The following KDM5C variants were observed in gnomAD, a reference collection of about 807,000 sequenced individuals.
KDM5C encodes the protein lysine-specific demethylase 5C.
KDM5C carries 16 observed loss-of-function variants against 110.6 expected under a neutral mutation model. The observed-to-expected ratio is 0.14, with a 90% CI of 0.10 to 0.22. KDM5C has a LOEUF of 0.22. KDM5C is among the 10% of genes least tolerant of loss of function. The pLI, the probability that KDM5C is intolerant of heterozygous loss-of-function variation, is 1.00. For synonymous variants in KDM5C, 511 were observed against 520.4 expected (o/e 0.98, Z 0.24); for missense variants, 681 against 1,300.9 (o/e 0.52, Z 7.33).
Position 53,209,444 on chromosome X carries a change from GA to G in KDM5C, c.1746+969del, listed in dbSNP as rs781918333. Among the ~76,000 whole-genome samples, 430 of 111,488 alleles carry G rather than the reference GA, an allele frequency of 3.9e-3. 3 individuals carry two copies. Among genetic ancestry groups the G allele is most frequent in the Middle Eastern group, 0.014 (3 of 218 alleles). The stretch of plus-strand genomic sequence containing the variant: ...GGCATATAGTATACCAAAACAAGGA[GA>G]AGGCAAAAAGAAATGCAGGTGAGAA... On this transcript the variant is annotated intron_variant, in intron 12 of 25. Transcript: ENST00000375401.
chrX:53,184,414 A>AT (rs1413339661), intron 25 of KDM5C, among the ~76,000 whole-genome samples: 19 of 109,946 alleles, frequency 1.7e-4, no homozygotes, highest in African/African-American at 5.6e-4. Flanking sequence ...TAATTTTTAA[A>AT]TTTTTTTTGT....
At chrX:53,188,595 G>A (rs1456381336), downstream of KDM5C, among the ~76,000 whole-genome samples, 2 of 110,398 alleles carry the variant, frequency 1.8e-5, no homozygotes, top group African/African-American at 6.6e-5. Flanking sequence ...GGTTGGTCTC[G>A]AACTCCTGAC....
At chrX:53,210,617 T>C (rs368549481) in intron 11 of KDM5C, 41 bp from the exon 12 acceptor site, 59 of 1,209,340 alleles carry the variant, frequency 4.9e-5, no homozygotes, top group Non-Finnish European at 6.0e-5. Context: ...AAATCACACC[T>C]TGGTCATGCA....
exon 26 of KDM5C, among the ~76,000 whole-genome samples, chrX:53,176,446 GT>G (rs1933886292): frequency 8.9e-6 from 1 of 111,937 alleles, no homozygotes; most frequent in Non-Finnish European, 1.9e-5. Context: ...CGGGCAGCAG[GT>G]GGTTGGATGA....
At chrX:53,208,458 T>C (rs2073433247) in intron 12 of KDM5C, among the ~76,000 whole-genome samples, 1 of 100,580 alleles carries the variant, frequency 9.9e-6, no homozygotes, top group African/African-American at 3.6e-5. Flanking sequence ...CACACATATA[T>C]ATATATATGC....
intron 25 of KDM5C, among the ~76,000 whole-genome samples, chrX:53,180,244 TA>T (rs1218784569): frequency 4.5e-5 from 5 of 110,864 alleles, no homozygotes; most frequent in African/African-American, 1.6e-4. Context: ...ATGGAGACAG[TA>T]AAAAAAATCA....
chrX:53,187,885 G>A (rs1276517409), downstream of KDM5C, among the ~76,000 whole-genome samples: 2 of 108,589 alleles, frequency 1.8e-5, no homozygotes, highest in Non-Finnish European at 3.8e-5. Context: ...TCAGCCTCCA[G>A]GCGCCCACCA....
intron 12 of KDM5C, among the ~76,000 whole-genome samples, chrX:53,206,513 C>T (rs2073333762): frequency 9.0e-6 from 1 of 111,259 alleles, no homozygotes; most frequent in African/African-American, 3.3e-5. Flanking sequence ...AGTAACAAAG[C>T]GAAAATCATT....
chrX:53,219,803 T>C, intron 2 of KDM5C, among the ~76,000 whole-genome samples: 1 of 112,555 alleles, frequency 8.9e-6, no homozygotes, highest in South Asian at 3.7e-4. Context: ...TCATCCCTGC[T>C]CCTTCTTATT....
chrX:53,191,272 A>T (rs1934406424), downstream of KDM5C: 1 of 169,668 alleles, frequency 5.9e-6, no homozygotes, highest in Admixed American at 8.0e-5. Context: ...TGGGACCATT[A>T]ATGGGCTTGA....
At position 53,196,947 on chromosome X, in the gene KDM5C, C is replaced by T; in HGVS notation, c.2720G>A (p.Arg907Lys). 8.3e-7 allele frequency: 1 copy of T among 1,198,118 alleles called. No homozygotes were observed. ...SPGLLQSLLE[R>K]GRQLGVEVPE... ...CACCTCCACCCCCAGCTGCCGCCCC[C>T]TCTCCAACAGGGACTGCAGTAGCCC... Residue 907 changes from arginine to lysine, a missense_variant, in exon 19 of 26, where the codon AGG becomes AAG. Around this residue, in one of 14 missense-constraint regions of KDM5C, gnomAD observed 123 missense variants for 169.0 expected, o/e 0.73. Coordinates refer to ENST00000375401, the MANE Select transcript of KDM5C (RefSeq NM_004187.5).
At chrX:53,187,129 T>A (rs1934242540), downstream of KDM5C, among the ~76,000 whole-genome samples, 1 of 111,616 alleles carries the variant, frequency 9.0e-6, no homozygotes, top group South Asian at 3.8e-4. Context: ...AGGTTATGCA[T>A]GGACTCCACA....
intron 12 of KDM5C, among the ~76,000 whole-genome samples, chrX:53,203,258 T>C (rs2073207987): frequency 8.9e-6 from 1 of 111,751 alleles, no homozygotes. Flanking sequence ...TCTCTCTCTC[T>C]CGAGCTTATA....
intron 8 of KDM5C, chrX:53,214,368 G>T (rs901386218): frequency 1.0e-4 from 24 of 238,552 alleles, no homozygotes; most frequent in African/African-American, 6.8e-4. Context: ...CATTTTCCCT[G>T]ATTATTACCC....
Position 53,193,452 on chromosome X carries a change from G to T in KDM5C, c.4302C>A (p.Ile1434=), listed in dbSNP as rs370982830. The change falls in exon 25 of 26, where the codon ATC becomes ATA. Residue 1434 remains isoleucine, a synonymous_variant. Coordinates refer to ENST00000375401, the MANE Select transcript of KDM5C (RefSeq NM_004187.5). ...CTCTCCTCACCTCCAGAAGTGTGCG[G>T]ATCCTCTCCAGGTCTGGGGGCTGTC... ...QAGQPPDLER[I]RTLLELEKAE... is the part of the protein sequence containing the mutation. 53 of 1,209,979 alleles carry T rather than the reference G, an allele frequency of 4.4e-5. No individual in the cohort carries two copies. Among genetic ancestry groups the T allele is most frequent in the Non-Finnish European group, 3.9e-5 (35 of 895,179 alleles).
intron 25 of KDM5C, among the ~76,000 whole-genome samples, chrX:53,183,178 A>G (rs1934114715): frequency 1.9e-5 from 2 of 103,116 alleles, no homozygotes; most frequent in Middle Eastern, 4.7e-3. Flanking sequence ...TAATCCCAAC[A>G]TTTTTGGGAG....
At chrX:53,224,351 A>G (rs2073977264) in intron 1 of KDM5C, among the ~76,000 whole-genome samples, 1 of 111,806 alleles carries the variant, frequency 8.9e-6, no homozygotes, top group African/African-American at 3.3e-5. Flanking sequence ...TTAATACTAT[A>G]CTATGCTGCC....
chrX:53,201,786 C>A, intron 13 of KDM5C, 42 bp from the exon 14 acceptor site: 3 of 1,209,772 alleles, frequency 2.5e-6, no homozygotes, highest in Non-Finnish European at 3.4e-6. Context: ...AGTCTGGAGG[C>A]CATGATGCCC....
At chrX:53,208,410 C>CACAT (rs1438883602) in intron 12 of KDM5C, among the ~76,000 whole-genome samples, 12 of 39,019 alleles carry the variant, frequency 3.1e-4, no homozygotes, top group African/African-American at 1.6e-3. Context: ...CATATATATA[C>CACAT]ACATACATAT....
Sources: gnomAD v4.1 joint callset for allele counts (sites outside exome capture counted in the v4.1 genomes callset) on GRCh38, gnomAD v4.1.1 for gene constraint, gnomAD v4.1.1 regional missense constraint, MANE v1.5 for transcripts, NCBI Gene and HGNC (gene_info 2026-07-23, HGNC 2026-07-21) for gene names.